FGD5: variants seen among roughly 807,000 people sequenced by gnomAD.
FGD5 encodes the protein FYVE, RhoGEF and PH domain containing 5, also known as FYVE, RhoGEF and PH domain-containing protein 5.
FGD5 carries 28 observed loss-of-function variants against 133.4 expected under a neutral mutation model. The observed-to-expected ratio is 0.21, with a 90% confidence interval of 0.16 to 0.29. FGD5 has a LOEUF of 0.29. FGD5 is among the 10% of genes least tolerant of loss of function. The pLI, the probability that FGD5 is intolerant of heterozygous loss-of-function variation, is 1.00. For missense variants in FGD5, 1,858 were observed against 1,895.2 expected (o/e 0.98, Z 0.36); for synonymous variants, 810 against 776.5 (o/e 1.04, Z -0.72).
intron 13 of FGD5, among the ~76,000 whole-genome samples, chr3:14,921,038 G>A (rs748601032): frequency 6.6e-6 from 1 of 152,242 alleles, no homozygotes; most frequent in Non-Finnish European, 1.5e-5. Flanking sequence ...GCCATGACTT[G>A]AGGGTGGTGA....
intron 18 of FGD5, among the ~76,000 whole-genome samples, chr3:14,928,223 G>A (rs1050461152): frequency 6.9e-6 from 1 of 145,454 alleles, no homozygotes; most frequent in African/African-American, 2.5e-5. Flanking sequence ...ACAGGCGTGA[G>A]CCACCACACC....
At chr3:14,923,422 A>G (rs1206102327) in intron 16 of FGD5, 16 of 527,832 alleles carry the variant, frequency 3.0e-5, no homozygotes, top group African/African-American at 5.7e-5. Flanking sequence ...GTGTGTGTGT[A>G]AGGGGACAGA....
intron 1 of FGD5, among the ~76,000 whole-genome samples, chr3:14,857,756 T>G (rs1282363995): frequency 6.6e-6 from 1 of 152,156 alleles, no homozygotes; most frequent in Non-Finnish European, 1.5e-5. Flanking sequence ...TGATGGGCTA[T>G]TCTGATAAAC....
At chr3:14,897,407 C>T (rs2038157813) in intron 4 of FGD5, 102 bp from the exon 5 acceptor site, 1 of 1,393,380 alleles carries the variant, frequency 7.2e-7, no homozygotes, top group Non-Finnish European at 9.8e-7. Context: ...TCACTGCTGT[C>T]TTCACAGAGG....
At chr3:14,869,593 C>T (rs1360446182) in intron 2 of FGD5, among the ~76,000 whole-genome samples, 8 of 152,168 alleles carry the variant, frequency 5.3e-5, no homozygotes, top group Admixed American at 5.2e-4. Context: ...GACACTGACT[C>T]CCCATTCCTC....
At position 14,820,830 on chromosome 3, in the gene FGD5, T is replaced by A; in HGVS notation, c.1759T>A (p.Cys587Ser). ...KRKEDNLSLS[C>S]VIGSSGSFSQ... ...GAAAGAGGACAATCTCTCTCTGTCG[T>A]GTGTAATTGGCTCCTCTGGGAGTTT... The change falls in exon 1 of 20, where the codon TGT (cysteine) becomes AGT (serine). Residue 587 changes from cysteine to serine, a missense_variant. Around this residue, in one of 3 missense-constraint regions of FGD5, gnomAD observed 1,824 missense variants for 1,848.9 expected, o/e 0.99. Transcript: ENST00000285046. 1.2e-6 allele frequency: 2 copies of A among 1,613,778 alleles called. No homozygotes were observed. The highest frequency in any genetic ancestry group is 1.7e-6 in the Non-Finnish European group (2 of 1,179,830).
intron 4 of FGD5, among the ~76,000 whole-genome samples, chr3:14,894,315 C>A (rs1483860217): frequency 6.6e-6 from 1 of 152,064 alleles, no homozygotes; most frequent in African/African-American, 2.4e-5. Flanking sequence ...AATACTATTC[C>A]ATTGTGTATA....
chr3:14,845,554 G>A (rs1051347195), intron 1 of FGD5, among the ~76,000 whole-genome samples: 1 of 152,172 alleles, frequency 6.6e-6, no homozygotes, highest in Admixed American at 6.5e-5. Context: ...AGAAGTCTAG[G>A]AACAGGTGAT....
At chr3:14,845,975 G>A (rs1018102312) in intron 1 of FGD5, among the ~76,000 whole-genome samples, 4 of 152,150 alleles carry the variant, frequency 2.6e-5, no homozygotes, top group African/African-American at 7.2e-5. Context: ...CTGGGTTTGG[G>A]ACTGGGTGTG....
At chr3:14,894,254 G>A (rs551553143) in intron 4 of FGD5, among the ~76,000 whole-genome samples, 1 of 152,240 alleles carries the variant, frequency 6.6e-6, no homozygotes, top group East Asian at 1.9e-4. Context: ...ATGACTTTCA[G>A]TTCCATCCGT....
At chr3:14,835,219 A>C (rs1412154757) in intron 1 of FGD5, among the ~76,000 whole-genome samples, 1 of 152,222 alleles carries the variant, frequency 6.6e-6, no homozygotes, top group Non-Finnish European at 1.5e-5. Context: ...GACTACAGGC[A>C]GGGCGAGGTG....
Position 14,820,509 on chromosome 3 carries a change from A to G in FGD5, c.1438A>G (p.Thr480Ala), listed in dbSNP as rs970337045. Residue 480 changes from threonine to alanine, a missense_variant, in exon 1 of 20, where the codon ACG becomes GCG. Thr to Ala is a moderately conservative substitution (Grantham distance 58, BLOSUM62 0). Coordinates refer to ENST00000285046, the MANE Select transcript of FGD5 (RefSeq NM_152536.4). ...LVPADRKNTSTRVRPHSGKVA... is the reference protein window; with the variant it reads ...LVPADRKNTSARVRPHSGKVA... ...TCCCGCGGACAGGAAGAACACCAGC[A>G]CGAGGGTCCGGCCCCACTCTGGGAA... 16 of 1,613,954 alleles carry G rather than the reference A, an allele frequency of 9.9e-6. No homozygotes were observed. The highest frequency in any genetic ancestry group is 1.3e-5 in the Non-Finnish European group (15 of 1,179,872).
intron 1 of FGD5, among the ~76,000 whole-genome samples, chr3:14,826,656 G>A (rs2036605273): frequency 6.6e-6 from 1 of 152,192 alleles, no homozygotes; most frequent in African/African-American, 2.4e-5. Flanking sequence ...TAAGTGACAT[G>A]ACCGAGGTCA....
At chr3:14,853,213 G>A (rs1348425289) in intron 1 of FGD5, among the ~76,000 whole-genome samples, 1 of 152,208 alleles carries the variant, frequency 6.6e-6, no homozygotes, top group Non-Finnish European at 1.5e-5. Flanking sequence ...AGAGCAGAAG[G>A]GGTCACCAGG....
At chr3:14,827,609 AAAAGTGAAAGGACACCTTTCTTTTCTG>A (rs2036626002) in intron 1 of FGD5, among the ~76,000 whole-genome samples, 1 of 152,124 alleles carries the variant, frequency 6.6e-6, no homozygotes, top group Non-Finnish European at 1.5e-5. Context: ...AGACTCAAGG[AAAAGTGAAAGGACACCTTTCTTTTCTG>A]CTGGCTGGTG....
chr3:14,841,965 C>T (rs1014849448), intron 1 of FGD5, among the ~76,000 whole-genome samples: 5 of 152,212 alleles, frequency 3.3e-5, no homozygotes, highest in Non-Finnish European at 4.4e-5. Context: ...CGTCTCTGCT[C>T]GGCACAACGC....
intron 1 of FGD5, among the ~76,000 whole-genome samples, chr3:14,845,431 G>C (rs1221113720): frequency 6.6e-6 from 1 of 152,218 alleles, no homozygotes; most frequent in East Asian, 1.9e-4. Context: ...GCCAGTGCTT[G>C]AATACCTCCT....
At chr3:14,842,505 T>C (rs1258303783) in intron 1 of FGD5, among the ~76,000 whole-genome samples, 1 of 152,236 alleles carries the variant, frequency 6.6e-6, no homozygotes, top group Non-Finnish European at 1.5e-5. Context: ...CTTCCCTCTG[T>C]TCTCCTCGAC....
chr3:14,824,857 G>A (rs1306815642), intron 1 of FGD5, among the ~76,000 whole-genome samples: 3 of 152,182 alleles, frequency 2.0e-5, no homozygotes, highest in Non-Finnish European at 4.4e-5. Flanking sequence ...AAACAACATG[G>A]GTAAAGACTA....
Sources: allele counts gnomAD v4.1 joint callset (sites outside exome capture counted in the v4.1 genomes callset), GRCh38; gene constraint gnomAD v4.1.1; regional missense constraint gnomAD v4.1.1; transcripts MANE v1.5; gene names NCBI Gene and HGNC (gene_info 2026-07-23, HGNC 2026-07-21).